ANO10: variants seen among roughly 807,000 people sequenced by gnomAD.
ANO10 encodes the protein anoctamin 10.
ANO10 carries 77 observed loss-of-function variants against 74.7 expected under a neutral mutation model. The observed-to-expected ratio is 1.03, with a 90% confidence interval of 0.86 to 1.25. The LOEUF (loss-of-function observed/expected upper bound fraction) is 1.25. Ranked by LOEUF, ANO10 falls within the 50% of genes most tolerant of loss-of-function variation. The probability of loss-of-function intolerance (pLI) is 0.00; values close to 1 mark genes in which losing one functional copy is unlikely to be tolerated. For synonymous variants in ANO10, 279 were observed against 284.9 expected, an observed-to-expected ratio of 0.98 and a Z score of 0.21; for missense variants, 721 against 778.1, an observed-to-expected ratio of 0.93 and a Z score of 0.87.
chr3:43,522,344 T>C (rs1313939826), intron 11 of ANO10, among the ~76,000 whole-genome samples: 1 of 151,606 alleles, frequency 6.6e-6, no homozygotes, highest in Admixed American at 6.6e-5. Context: ...AAAAAAAAGC[T>C]CTACAGCTAT....
rs756788130 is a variant in ANO10, at chr3:43,561,217, T to TA, written c.1476+2dup. 6 of 1,614,110 alleles carry TA rather than the reference T, an allele frequency of 3.7e-6. No individual in the cohort carries two copies. Among genetic ancestry groups the TA allele is most frequent in the Non-Finnish European group, 5.1e-6 (6 of 1,179,954 alleles). ...TGTTTAATTCAGCAATATTCCAACT[T>TA]ACCAAATAAGTTCCCATTTCTTTTT... On this transcript the variant is annotated splice_region_variant and intron_variant, in intron 9 of 12. Transcript: ENST00000292246.
intron 11 of ANO10, among the ~76,000 whole-genome samples, chr3:43,522,438 A>G (rs937005785): frequency 1.3e-5 from 2 of 152,170 alleles, no homozygotes; most frequent in Non-Finnish European, 2.9e-5. Context: ...GACTTTCATC[A>G]TGTCATTGCA....
chr3:43,396,954 A>T, intron 12 of ANO10, among the ~76,000 whole-genome samples: 1 of 144,116 alleles, frequency 6.9e-6, no homozygotes, highest in Non-Finnish European at 1.5e-5. Context: ...TTTGAGATGG[A>T]GTTTCGCTCT....
intron 1 of ANO10, among the ~76,000 whole-genome samples, chr3:43,669,011 A>G (rs1175994699): frequency 2.0e-5 from 3 of 152,180 alleles, no homozygotes; most frequent in Non-Finnish European, 4.4e-5. Flanking sequence ...TACATTTATA[A>G]CTAATCCAAG....
At chr3:43,655,878 A>C (rs2083844141) in intron 1 of ANO10, among the ~76,000 whole-genome samples, 1 of 95,294 alleles carries the variant, frequency 1.0e-5, no homozygotes, top group Non-Finnish European at 2.2e-5. Context: ...AGCTAGATAC[A>C]GTGTCCATTG....
intron 12 of ANO10, among the ~76,000 whole-genome samples, chr3:43,384,578 T>C (rs541206655): frequency 1.2e-4 from 19 of 152,276 alleles, no homozygotes; most frequent in African/African-American, 3.1e-4. Flanking sequence ...AACAAGCATA[T>C]AGACCAATCA....
intron 1 of ANO10, among the ~76,000 whole-genome samples, chr3:43,647,099 G>T (rs2083733468): frequency 6.6e-6 from 1 of 150,614 alleles, no homozygotes; most frequent in South Asian, 2.1e-4. Flanking sequence ...CAGAAGACTG[G>T]ATGTATTAGT....
chr3:43,577,481 T>C (rs2081068252), intron 5 of ANO10, among the ~76,000 whole-genome samples: 1 of 152,136 alleles, frequency 6.6e-6, no homozygotes, highest in African/African-American at 2.4e-5. Flanking sequence ...AGGCCTTAGC[T>C]GGGGGGTGTG....
intron 12 of ANO10, among the ~76,000 whole-genome samples, chr3:43,394,535 G>C (rs1194407780): frequency 6.6e-6 from 1 of 152,092 alleles, no homozygotes; most frequent in East Asian, 1.9e-4. Context: ...TTAGAGCCTA[G>C]ATCTTCTCTT....
At chr3:43,405,107 T>A (rs538919009) in intron 12 of ANO10, among the ~76,000 whole-genome samples, 1 of 152,366 alleles carries the variant, frequency 6.6e-6, no homozygotes, top group South Asian at 2.1e-4. Flanking sequence ...CATTGGCAAG[T>A]TGATCTAACA....
intron 4 of ANO10, among the ~76,000 whole-genome samples, chr3:43,592,762 T>C (rs886645227): frequency 6.6e-6 from 1 of 152,082 alleles, no homozygotes; most frequent in African/African-American, 2.4e-5. Flanking sequence ...CTTTGACGAG[T>C]TGAGAGAAGA....
intron 11 of ANO10, among the ~76,000 whole-genome samples, chr3:43,471,976 GA>G (rs34136600): frequency 0.4 from 60,849 of 151,732 alleles, 12,935 homozygotes; most frequent in African/African-American, 0.5. Context: ...ACAAAGGCTG[GA>G]AAAAAAATCA....
intron 1 of ANO10, among the ~76,000 whole-genome samples, chr3:43,643,549 T>C (rs1017996234): frequency 6.6e-6 from 1 of 151,950 alleles, no homozygotes; most frequent in Non-Finnish European, 1.5e-5. Context: ...ATTTCATATG[T>C]GTAGGGAGTG....
chr3:43,549,746 G>T lies in ANO10; in HGVS notation c.1771C>A (p.Leu591Ile). ...TCCACTGCTACTACAATCAAAATGA[G>T]GTCTGCTTTTGATTCTGGAAAGACT... ...NAVFPESKAD[L>I]ILIVVAVEHA... The change falls in exon 11 of 13, where the codon CTC (leucine) becomes ATC (isoleucine). Residue 591 changes from leucine (L) to isoleucine (I), a missense_variant. Physicochemically the swap from Leu to Ile is conservative, Grantham distance 5. Transcript: ENST00000292246. 3 of 1,613,918 alleles carry T rather than the reference G, an allele frequency of 1.9e-6. No individual in the cohort carries two copies. Among genetic ancestry groups the T allele is most frequent in the Non-Finnish European group, 8.5e-7 (1 of 1,179,918 alleles).
chr3:43,593,686 G>A (rs1329849784), intron 4 of ANO10, among the ~76,000 whole-genome samples: 1 of 152,178 alleles, frequency 6.6e-6, no homozygotes, highest in Non-Finnish European at 1.5e-5. Flanking sequence ...TCGAGGCTAG[G>A]AAGAAACTGC....
intron 11 of ANO10, among the ~76,000 whole-genome samples, chr3:43,473,015 C>A (rs896498653): frequency 2.8e-5 from 3 of 106,318 alleles, no homozygotes; most frequent in African/African-American, 1.0e-4. Context: ...TAAAGGCATA[C>A]AACTATTCAC....
intron 4 of ANO10, among the ~76,000 whole-genome samples, chr3:43,594,375 A>C (rs2081971116): frequency 6.6e-6 from 1 of 152,244 alleles, no homozygotes; most frequent in African/African-American, 2.4e-5. Context: ...AGTACTCCTC[A>C]GCAAATGAAA....
chr3:43,669,965 C>T (rs959680252), intron 1 of ANO10, among the ~76,000 whole-genome samples: 1 of 152,226 alleles, frequency 6.6e-6, no homozygotes, highest in Admixed American at 6.5e-5. Context: ...ACCTCATGAT[C>T]CACCCGCCTA....
intron 12 of ANO10, among the ~76,000 whole-genome samples, chr3:43,382,530 A>G (rs1278849957): frequency 6.6e-6 from 1 of 151,994 alleles, no homozygotes; most frequent in Non-Finnish European, 1.5e-5. Flanking sequence ...AAAAAAAAAA[A>G]AAAGAAATAA....
Sources: allele counts gnomAD v4.1 joint callset (sites outside exome capture counted in the v4.1 genomes callset), GRCh38; gene constraint gnomAD v4.1.1; transcripts MANE v1.5; gene names NCBI Gene and HGNC (gene_info 2026-07-23, HGNC 2026-07-21).